Variants in RO60 observed in about 807,000 individuals in gnomAD.
RO60 encodes the protein RNA-binding protein RO60.
A neutral mutation model predicts 55.3 loss-of-function variants in RO60; 20 were observed. The observed-to-expected ratio is 0.36, with a 90% CI of 0.25 to 0.53. RO60 has a LOEUF of 0.53. RO60 is among the 20% of genes least tolerant of loss of function. RO60 has a pLI of 0.92. For synonymous variants in RO60, 213 were observed against 213.6 expected, an observed-to-expected ratio of 1.00 and a Z score of 0.02; for missense variants, 558 against 646.6, an observed-to-expected ratio of 0.86 and a Z score of 1.49.
intron 5 of RO60, among the ~76,000 whole-genome samples, chr1:193,079,879 C>T (rs1461180526): frequency 6.6e-6 from 1 of 151,552 alleles, no homozygotes; most frequent in Non-Finnish European, 1.5e-5. Context: ...GTAATCCCAG[C>T]ACTTTGGGAG....
chr1:193,075,767 GT>G, intron 2 of RO60, 52 bp from the exon 3 acceptor site: 1 of 1,365,874 alleles, frequency 7.3e-7, no homozygotes, highest in South Asian at 1.3e-5. Flanking sequence ...AACATGTTCT[GT>G]TTTTTTACTT....
intron 7 of RO60, 77 bp downstream of exon 7, chr1:193,082,376 A>G: frequency 1.5e-6 from 2 of 1,363,414 alleles, no homozygotes; most frequent in East Asian, 2.3e-5. Context: ...GATGTCATGT[A>G]TGGTATTAAT....
rs771805286 is a variant in RO60 at position 193,082,515 on chromosome 1, T to G, written c.1318-47T>G. 1.9e-6 allele frequency: 3 copies of G among 1,596,708 alleles called. No homozygotes were observed. In the Admixed American group the frequency reaches 5.0e-5, roughly 27 times the overall value. Reference sequence around the variant, plus strand: ...AAATGATACTGTAAAAACTAGTATTTTTAAGGATTTATTTACTTATTTATT... The same window carrying G: ...AAATGATACTGTAAAAACTAGTATTGTTAAGGATTTATTTACTTATTTATT... On this transcript the variant is annotated intron_variant, in intron 7 of 8. Coordinates refer to ENST00000400968, the MANE Select transcript of RO60 (RefSeq NM_001173524.2).
chr1:193,063,560 G>T (rs1020795193), intron 1 of RO60, among the ~76,000 whole-genome samples: 6 of 152,082 alleles, frequency 3.9e-5, no homozygotes, highest in Admixed American at 3.9e-4. Context: ...TTTAAATTTT[G>T]ATAAAGTCCA....
At chr1:193,061,907 T>G (rs919864966) in intron 1 of RO60, among the ~76,000 whole-genome samples, 8 of 150,816 alleles carry the variant, frequency 5.3e-5, no homozygotes, top group Non-Finnish European at 1.2e-4. Context: ...TCGCTTGAAC[T>G]CGGAGGGCGG....
intron 8 of RO60, among the ~76,000 whole-genome samples, chr1:193,083,500 T>G (rs922635240): frequency 6.6e-6 from 1 of 152,172 alleles, no homozygotes; most frequent in Non-Finnish European, 1.5e-5. Flanking sequence ...TTTGAGCACT[T>G]AAAATATGGC....
At chr1:193,066,358 A>G (rs1558234974) in intron 1 of RO60, among the ~76,000 whole-genome samples, 1 of 152,204 alleles carries the variant, frequency 6.6e-6, no homozygotes. Flanking sequence ...ATGTGTCTAC[A>G]AAAGAGTAGT....
intron 1 of RO60, among the ~76,000 whole-genome samples, chr1:193,063,077 A>G (rs112327469): frequency 2.6e-5 from 4 of 152,160 alleles, no homozygotes; most frequent in African/African-American, 9.7e-5. Context: ...TGCTAACTAT[A>G]TTTAACCTTT....
chr1:193,073,915 G>T (rs1287643407), intron 2 of RO60, among the ~76,000 whole-genome samples: 3 of 135,780 alleles, frequency 2.2e-5, no homozygotes, highest in Non-Finnish European at 4.5e-5. Context: ...AGGCCCTGGT[G>T]TGTGATGTTC....
intron 5 of RO60, among the ~76,000 whole-genome samples, chr1:193,077,337 A>G (rs1293792502): frequency 6.6e-6 from 1 of 152,172 alleles, no homozygotes; most frequent in Admixed American, 6.5e-5. Context: ...GAAATACCTG[A>G]GACTGAGTAG....
At chr1:193,075,730 T>C (rs1293490712) in intron 2 of RO60, 90 bp from the exon 3 acceptor site, 2 of 944,352 alleles carry the variant, frequency 2.1e-6, no homozygotes, top group South Asian at 1.7e-5. Context: ...TATCCAGTTA[T>C]GTTGATCATA....
At position 193,082,712 on chromosome 1, in the gene RO60, A is replaced by G. The variant is rs770750250; in HGVS notation, c.1464+4A>G. On this transcript the variant is annotated splice_donor_region_variant and intron_variant, in intron 8 of 8. Coordinates refer to ENST00000400968, the MANE Select transcript of RO60 (RefSeq NM_001173524.2). ...TGCTCTGAGGGAGTATCGAAAGGTA[A>G]AACAAATTCTAATACGGTTCCTCAC... The G allele has an allele frequency of 1.6e-5, 25 of 1,605,592 alleles. No homozygotes were observed. The highest frequency in any genetic ancestry group is 2.1e-5 in the Non-Finnish European group (25 of 1,176,824).
chr1:193,072,478 T>C (rs1338410217), intron 2 of RO60, among the ~76,000 whole-genome samples: 3 of 152,024 alleles, frequency 2.0e-5, no homozygotes, highest in African/African-American at 7.2e-5. Flanking sequence ...CACTAAAGTT[T>C]TGAATTTTAA....
At chr1:193,077,474 C>T (rs1270830793) in intron 5 of RO60, among the ~76,000 whole-genome samples, 1 of 152,136 alleles carries the variant, frequency 6.6e-6, no homozygotes, top group African/African-American at 2.4e-5. Context: ...GAAGCAAACA[C>T]GTCCTTCTTC....
intron 7 of RO60, 122 bp from the exon 8 acceptor site, chr1:193,082,440 G>A (rs1192196916): frequency 9.5e-6 from 13 of 1,371,656 alleles, no homozygotes; most frequent in African/African-American, 4.4e-5. Context: ...GTACAAAACC[G>A]AAAATATATA....
intron 1 of RO60, among the ~76,000 whole-genome samples, chr1:193,061,644 A>C (rs1319051640): frequency 6.6e-6 from 1 of 152,280 alleles, no homozygotes; most frequent in Non-Finnish European, 1.5e-5. Flanking sequence ...TAAATTTAAA[A>C]GTAGAGAAAT....
Position 193,084,904 on chromosome 1 carries a change from G to T in RO60, c.*173G>T. On this transcript the variant is annotated 3_prime_UTR_variant, in exon 9 of 9. Transcript: ENST00000400968. ...GAAGGAAAAATAAGATGGGCCCAAAGGTCTATCTACTAAACTAGCTCTTGG... is the reference window on the plus strand; with the variant it reads ...GAAGGAAAAATAAGATGGGCCCAAATGTCTATCTACTAAACTAGCTCTTGG... 6.7e-7 allele frequency: 1 copy of T among 1,490,320 alleles called. No homozygotes were observed. Among genetic ancestry groups the T allele is most frequent in the Non-Finnish European group, 8.9e-7 (1 of 1,126,510 alleles). 92.3% of individuals were successfully genotyped at this position (1,490,320 alleles called of 1,614,324 possible).
At chr1:193,071,533 T>A (rs1673498890) in intron 2 of RO60, among the ~76,000 whole-genome samples, 1 of 152,080 alleles carries the variant, frequency 6.6e-6, no homozygotes, top group East Asian at 1.9e-4. Flanking sequence ...GTTACAAAAA[T>A]ACTACAATGA....
Position 193,086,646 on chromosome 1 carries a change from G to A in RO60, c.*1915G>A, listed in dbSNP as rs758806360. On this transcript the variant is annotated 3_prime_UTR_variant, in exon 9 of 9. Coordinates refer to ENST00000400968, the MANE Select transcript of RO60 (RefSeq NM_001173524.2). ...TAATAGAAATGTTAAATAGAATATA[G>A]TACAAAAGTGCATTACCTTCAGTTG... 11 of 152,002 alleles carry A rather than the reference G, an allele frequency of 7.2e-5. No individual in the cohort carries two copies. The highest frequency in any genetic ancestry group is 1.5e-4 in the Non-Finnish European group (10 of 67,958). 9.4% of individuals were successfully genotyped at this position (152,002 alleles called of 1,614,324 possible).
Sources: allele counts gnomAD v4.1 joint callset (sites outside exome capture counted in the v4.1 genomes callset), GRCh38; gene constraint gnomAD v4.1.1; transcripts MANE v1.5; gene names NCBI Gene and HGNC (gene_info 2026-07-23, HGNC 2026-07-21).